The following PHACTR1 variants were observed in gnomAD, a reference collection of about 807,000 sequenced individuals.
The protein encoded by PHACTR1 is phosphatase and actin regulator 1.
In PHACTR1, 16 loss-of-function variants were observed where a neutral mutation model predicts 69.2. The ratio of observed to expected loss-of-function variants is 0.23; its 90% CI spans 0.16 to 0.35. PHACTR1 has a LOEUF of 0.35. PHACTR1 is among the 10% of genes least tolerant of loss of function. PHACTR1 has a pLI of 1.00. For missense variants in PHACTR1, 510 were observed against 734.7 expected, an observed-to-expected ratio of 0.69 and a Z score of 3.54; for synonymous variants, 312 against 284.5, an observed-to-expected ratio of 1.10 and a Z score of -0.97.
intron 4 of PHACTR1, among the ~76,000 whole-genome samples, chr6:12,985,528 TAAA>T (rs149850503): frequency 0.031 from 4,223 of 134,842 alleles, 113 homozygotes; most frequent in African/African-American, 0.071. Flanking sequence ...TACTACAAAT[TAAA>T]AAAAAAAAAA....
At chr6:13,021,575 G>A (rs1800978096) in intron 4 of PHACTR1, among the ~76,000 whole-genome samples, 2 of 152,172 alleles carry the variant, frequency 1.3e-5, no homozygotes, top group Non-Finnish European at 2.9e-5. Context: ...GTAACTCCAT[G>A]TTTAACCATT....
At chr6:13,243,887 A>G (rs1184426978) in intron 10 of PHACTR1, among the ~76,000 whole-genome samples, 2 of 152,160 alleles carry the variant, frequency 1.3e-5, no homozygotes, top group Admixed American at 1.3e-4. Context: ...GCTAAGGATG[A>G]TGGCCTCCAG....
intron 5 of PHACTR1, among the ~76,000 whole-genome samples, chr6:13,115,535 G>A (rs952074431): frequency 1.3e-5 from 2 of 152,056 alleles, no homozygotes; most frequent in Admixed American, 6.6e-5. Flanking sequence ...CTGAGATGAG[G>A]GTTTGTATGC....
chr6:13,221,570 C>T (rs1159823252), intron 8 of PHACTR1, among the ~76,000 whole-genome samples: 1 of 152,200 alleles, frequency 6.6e-6, no homozygotes, highest in Non-Finnish European at 1.5e-5. Flanking sequence ...GTCTGCACCC[C>T]TCTGGTTGTG....
chr6:13,225,708 T>G (rs1183652924), intron 8 of PHACTR1, among the ~76,000 whole-genome samples: 1 of 152,232 alleles, frequency 6.6e-6, no homozygotes, highest in Non-Finnish European at 1.5e-5. Context: ...AAGAATCTAT[T>G]GACTGCTTTC....
chr6:13,278,084 A>G, intron 11 of PHACTR1, 184 bp from the exon 12 acceptor site: 1 of 516,938 alleles, frequency 1.9e-6, no homozygotes, highest in Non-Finnish European at 3.5e-6. Flanking sequence ...GCAATTTGAA[A>G]CAACGCAGGT....
At chr6:12,953,074 G>A (rs767132726) in intron 4 of PHACTR1, among the ~76,000 whole-genome samples, 5 of 152,146 alleles carry the variant, frequency 3.3e-5, no homozygotes, top group Non-Finnish European at 7.4e-5. Flanking sequence ...TGTAATCTCA[G>A]CACTTTGGGA....
At chr6:13,098,826 A>G (rs1814687278) in intron 5 of PHACTR1, among the ~76,000 whole-genome samples, 1 of 152,202 alleles carries the variant, frequency 6.6e-6, no homozygotes, top group African/African-American at 2.4e-5. Context: ...TAGGCTATCC[A>G]ATAAGATAGC....
At chr6:12,811,230 A>G (rs1156595950) in intron 4 of PHACTR1, among the ~76,000 whole-genome samples, 2 of 152,258 alleles carry the variant, frequency 1.3e-5, no homozygotes, top group East Asian at 1.9e-4. Context: ...TGAAGACAAC[A>G]TTGAAAAATG....
At chr6:12,750,995 C>T (rs554408906) in intron 4 of PHACTR1, among the ~76,000 whole-genome samples, 29 of 149,392 alleles carry the variant, frequency 1.9e-4, no homozygotes, top group Non-Finnish European at 3.2e-4. Flanking sequence ...TGTGTGTGTG[C>T]GCGTGCGTGC....
chr6:12,975,899 A>G (rs565773739), intron 4 of PHACTR1, among the ~76,000 whole-genome samples: 1 of 152,324 alleles, frequency 6.6e-6, no homozygotes, highest in African/African-American at 2.4e-5. Flanking sequence ...CTTTCTTTAA[A>G]TGCACCAGCC....
At chr6:13,218,873 GAA>G (rs1768137069) in intron 8 of PHACTR1, among the ~76,000 whole-genome samples, 2 of 17,682 alleles carry the variant, frequency 1.1e-4, no homozygotes, top group African/African-American at 1.7e-4. Flanking sequence ...GAAGAGAAGA[GAA>G]GAGAAGAGAA....
rs568585268 is a variant in PHACTR1, at chr6:12,884,458, C to T, written c.250+134668C>T. On this transcript the variant is annotated intron_variant, in intron 4 of 14. Coordinates refer to ENST00000332995, the MANE Select transcript of PHACTR1 (RefSeq NM_030948.6). ...CTCTGTTGCCCAGGTTGGAGTGCAG[C>T]GGTGCAATCTCGGCTCACTGCAAGC... 1.4e-3 allele frequency among the ~76,000 whole-genome samples: 205 copies of T among 150,928 alleles called. 1 individual carries two copies. The highest frequency in any genetic ancestry group is 4.3e-3 in the African/African-American group (177 of 41,010).
intron 3 of PHACTR1, among the ~76,000 whole-genome samples, chr6:12,728,492 G>A (rs1225021170): frequency 2.0e-5 from 3 of 152,130 alleles, no homozygotes; most frequent in Admixed American, 6.6e-5. Context: ...ATATCATAGT[G>A]TTTAGGACTT....
At chr6:12,891,998 A>G (rs1037105279) in intron 4 of PHACTR1, among the ~76,000 whole-genome samples, 1 of 152,256 alleles carries the variant, frequency 6.6e-6, no homozygotes, top group Non-Finnish European at 1.5e-5. Context: ...ATCATTCCCA[A>G]GTAAAGTGTA....
chr6:13,231,598 T>G (rs1771218528), intron 10 of PHACTR1, among the ~76,000 whole-genome samples: 1 of 152,240 alleles, frequency 6.6e-6, no homozygotes, highest in Non-Finnish European at 1.5e-5. Context: ...GATATACGGT[T>G]AAGTGGTTGG....
chr6:13,193,720 T>C (rs1010044464), intron 7 of PHACTR1, among the ~76,000 whole-genome samples: 1 of 152,040 alleles, frequency 6.6e-6, no homozygotes, highest in Non-Finnish European at 1.5e-5. Flanking sequence ...TCAATTTACT[T>C]TCAAACTTCA....
At chr6:12,806,012 T>G (rs982653221) in intron 4 of PHACTR1, among the ~76,000 whole-genome samples, 3 of 152,222 alleles carry the variant, frequency 2.0e-5, no homozygotes, top group African/African-American at 7.2e-5. Flanking sequence ...ATTCTCCCAC[T>G]TCCCAAATCC....
At chr6:12,921,256 C>G (rs566376947) in intron 4 of PHACTR1, among the ~76,000 whole-genome samples, 1 of 152,164 alleles carries the variant, frequency 6.6e-6, no homozygotes, top group Non-Finnish European at 1.5e-5. Flanking sequence ...AGTTCATGTT[C>G]TTGACCACTT....
Sources: allele counts gnomAD v4.1 joint callset (sites outside exome capture counted in the v4.1 genomes callset), GRCh38; gene constraint gnomAD v4.1.1; transcripts MANE v1.5; gene names NCBI Gene and HGNC (gene_info 2026-07-23, HGNC 2026-07-21).